The following HNF4A variants were observed in gnomAD, a reference collection of about 807,000 sequenced individuals.
HNF4A encodes hepatocyte nuclear factor 4 alpha, also known as hepatocyte nuclear factor 4-alpha.
A neutral mutation model predicts 52.4 loss-of-function variants in HNF4A; 15 were observed. The observed-to-expected ratio is 0.29, with a 90% confidence interval of 0.19 to 0.44. HNF4A has a LOEUF of 0.44. Ranked by LOEUF, HNF4A falls within the 20% of genes least tolerant of loss-of-function variation. The pLI, the probability that HNF4A is intolerant of heterozygous loss-of-function variation, is 1.00. For missense variants in HNF4A, 479 were observed against 647.2 expected, an observed-to-expected ratio of 0.74 and a Z score of 2.82; for synonymous variants, 280 against 264.4, an observed-to-expected ratio of 1.06 and a Z score of -0.57.
intron 2 of HNF4A, among the ~76,000 whole-genome samples, chr20:44,406,955 G>A (rs2063509159): frequency 6.6e-6 from 1 of 152,182 alleles, no homozygotes; most frequent in Non-Finnish European, 1.5e-5. Context: ...TCACCACGGT[G>A]TGGCACTGCC....
chr20:44,406,015 T>A, intron 1 of HNF4A, 43 bp from the exon 2 acceptor site: 1 of 1,590,160 alleles, frequency 6.3e-7, no homozygotes, highest in Non-Finnish European at 8.6e-7. Context: ...ATGCCTGACA[T>A]TCTGTTCTTC....
At chr20:44,401,039 A>G (rs2063400156), upstream of HNF4A, among the ~76,000 whole-genome samples, 1 of 152,070 alleles carries the variant, frequency 6.6e-6, no homozygotes, top group Non-Finnish European at 1.5e-5. Context: ...GCCTTGTACA[A>G]TTGATAACTG....
intron 1 of HNF4A, among the ~76,000 whole-genome samples, chr20:44,367,487 T>C (rs1407769237): frequency 1.4e-5 from 2 of 146,814 alleles, no homozygotes; most frequent in Non-Finnish European, 3.0e-5. Flanking sequence ...TTACTAAAAT[T>C]ACAAAAATTA....
At position 44,432,147 on chromosome 20, in the gene HNF4A, T is replaced by C. The variant is rs946273426; in HGVS notation, c.*2482T>C. ...GAAAGGTTGAGATAAGAATGTCCCA[T>C]GGAGTGCCGTGGGCAACAGTGGCCC... On this transcript the variant is annotated 3_prime_UTR_variant, in exon 10 of 10. Coordinates refer to ENST00000316099, the MANE Select transcript of HNF4A (RefSeq NM_000457.6). 12 of 152,084 alleles carry C rather than the reference T, an allele frequency of 7.9e-5. No homozygotes were observed. Among genetic ancestry groups the C allele is most frequent in the African/African-American group, 2.7e-4 (11 of 41,384 alleles). 9.4% of individuals were successfully genotyped at this position (152,084 alleles called of 1,614,324 possible).
chr20:44,361,400 C>T lies in HNF4A; in HGVS notation c.49+5547C>T, dbSNP rs192816026. 4.9e-4 allele frequency among the ~76,000 whole-genome samples: 74 copies of T among 152,294 alleles called. 1 individual carries two copies. Among genetic ancestry groups the T allele is most frequent in the African/African-American group, 1.6e-3 (67 of 41,560 alleles). ...ATCTTGCCTCAACCCAGAAGCCTCC[C>T]GTATTCATTAATTCATTGTTCATTT... On this transcript the variant is annotated intron_variant, in intron 1 of 9. Transcript: ENST00000316673.
chr20:44,385,543 A>G lies in HNF4A; in HGVS notation c.50-20515A>G, dbSNP rs565702256. ...GAGTGTAGTGGCCTGATCTCTTCTCACTGCAACCTCCGCCTCCCAGGTTCA... is the reference window on the plus strand; with the variant it reads ...GAGTGTAGTGGCCTGATCTCTTCTCGCTGCAACCTCCGCCTCCCAGGTTCA... On this transcript the variant is annotated intron_variant, in intron 1 of 9. Transcript: ENST00000316673. 1.3e-4 allele frequency among the ~76,000 whole-genome samples: 20 copies of G among 151,898 alleles called. No homozygotes were observed. The East Asian group carries it at 3.1e-3, about 24-fold the overall frequency.
intron 3 of HNF4A, among the ~76,000 whole-genome samples, chr20:44,410,763 C>T (rs1198580298): frequency 4.6e-5 from 7 of 152,040 alleles, no homozygotes; most frequent in East Asian, 1.9e-4. Context: ...GGTGATGTGA[C>T]GGGTCAGGGG....
At chr20:44,368,760 TACAG>T (rs1326845023) in intron 1 of HNF4A, among the ~76,000 whole-genome samples, 1 of 152,208 alleles carries the variant, frequency 6.6e-6, no homozygotes, top group Non-Finnish European at 1.5e-5. Context: ...TTGGTTCACA[TACAG>T]ACAAAGTCAG....
intron 1 of HNF4A, among the ~76,000 whole-genome samples, chr20:44,360,903 G>A (rs1303238825): frequency 6.6e-6 from 1 of 152,172 alleles, no homozygotes; most frequent in Non-Finnish European, 1.5e-5. Context: ...AGCCTTGGTT[G>A]TTGTGAAGAT....
At chr20:44,411,883 C>T (rs918924906) in intron 3 of HNF4A, among the ~76,000 whole-genome samples, 23 of 150,426 alleles carry the variant, frequency 1.5e-4, no homozygotes, top group African/African-American at 5.5e-4. Flanking sequence ...TAATGAGACC[C>T]CGTCTCTCAA....
intron 5 of HNF4A, among the ~76,000 whole-genome samples, chr20:44,417,428 G>T (rs2063680851): frequency 6.6e-6 from 1 of 152,146 alleles, no homozygotes; most frequent in African/African-American, 2.4e-5. Context: ...CTGATTCTCT[G>T]CCAGGGGCCA....
intron 1 of HNF4A, chr20:44,391,478 C>T (rs1253925625): frequency 6.6e-6 from 1 of 152,454 alleles, no homozygotes; most frequent in African/African-American, 2.4e-5. Context: ...AGAGATGTAA[C>T]CAGACTCCAA....
At position 44,424,108 on chromosome 20, in the gene HNF4A, A is replaced by G. The variant is rs751457664; in HGVS notation, c.983A>G (p.Tyr328Cys). ...GAGGACTACATCAACGACCGCCAGT[A>G]TGACTCGCGTGGCCGCTTTGGAGAG... The change falls in exon 8 of 10, where the codon TAT becomes TGT. Residue 328 changes from tyrosine (Y) to cysteine (C), a missense_variant. Coordinates refer to ENST00000316099, the MANE Select transcript of HNF4A (RefSeq NM_000457.6). 1.9e-6 allele frequency: 3 copies of G among 1,613,524 alleles called. No homozygotes were observed. The highest frequency in any genetic ancestry group is 1.7e-5 in the Admixed American group (1 of 60,014).
chr20:44,402,752 C>A, intron 1 of HNF4A: 1 of 491,608 alleles, frequency 2.0e-6, no homozygotes. Flanking sequence ...GGTCAGCCTG[C>A]CACCCTGCTT....
chr20:44,428,322 T>A lies in HNF4A; in HGVS notation c.1130-13T>A. 1 of 1,613,716 alleles carries A rather than the reference T, an allele frequency of 6.2e-7. No individual in the cohort carries two copies. Among genetic ancestry groups the A allele is most frequent in the Non-Finnish European group, 8.5e-7 (1 of 1,179,928 alleles). ...CCAGACTCTCCATCCTGATCGACCT[T>A]CTCTACCTGCAGGGTCCCCCAGCGA... On this transcript the variant is annotated splice_polypyrimidine_tract_variant and intron_variant, in intron 8 of 9. Coordinates refer to ENST00000316099, the MANE Select transcript of HNF4A (RefSeq NM_000457.6).
At chr20:44,360,931 G>T (rs1196941615) in intron 1 of HNF4A, among the ~76,000 whole-genome samples, 1 of 152,182 alleles carries the variant, frequency 6.6e-6, no homozygotes, top group Admixed American at 6.6e-5. Flanking sequence ...GCTAATGAAA[G>T]AGAAAAGGTA....
At chr20:44,406,538 G>A (rs2063503299) in intron 2 of HNF4A, among the ~76,000 whole-genome samples, 1 of 152,014 alleles carries the variant, frequency 6.6e-6, no homozygotes, top group South Asian at 2.1e-4. Context: ...CATTCCATGG[G>A]GCCTCTCCTG....
intron 1 of HNF4A, among the ~76,000 whole-genome samples, chr20:44,385,698 G>C (rs1446372129): frequency 2.0e-5 from 3 of 150,726 alleles, no homozygotes; most frequent in Admixed American, 2.0e-4. Flanking sequence ...TGAATTCTTA[G>C]TCTCCAGTGA....
intron 3 of HNF4A, among the ~76,000 whole-genome samples, chr20:44,411,433 G>A (rs911219747): frequency 6.6e-6 from 1 of 152,066 alleles, no homozygotes; most frequent in Non-Finnish European, 1.5e-5. Flanking sequence ...AGCCCTATCC[G>A]CAGCTGCTGA....
Sources: gnomAD v4.1 joint callset for allele counts (sites outside exome capture counted in the v4.1 genomes callset) on GRCh38, gnomAD v4.1.1 for gene constraint, MANE v1.5 for transcripts, NCBI Gene and HGNC (gene_info 2026-07-23, HGNC 2026-07-21) for gene names.